ATP4A: variants seen among roughly 807,000 people sequenced by gnomAD.
The protein encoded by ATP4A is ATPase H+/K+ transporting subunit alpha.
Under a neutral mutation model 112.1 loss-of-function variants are expected in ATP4A, and 73 were observed. The observed-to-expected ratio is 0.65, with a 90% CI of 0.54 to 0.79. The LOEUF (loss-of-function observed/expected upper bound fraction) is 0.79, where lower values mean the gene tolerates loss of function less well. ATP4A is among the 30% of genes least tolerant of loss of function. ATP4A has a pLI of 0.00. For missense variants in ATP4A, 1,081 were observed against 1,425.9 expected, an observed-to-expected ratio of 0.76 and a Z score of 3.90; for synonymous variants, 588 against 588.9, an observed-to-expected ratio of 1.00 and a Z score of 0.02.
rs760879648 is a variant in ATP4A, at chr19:35,550,849, G to A, written c.3064C>T (p.Arg1022Cys). The stretch of plus-strand genomic sequence containing the variant: ...CCACACTCACTCCCTGGGCAACAGC[G>A]AACTCCAAGCTTCCGGATCTCATCA... Reference protein sequence around the residue: ...VYDEIRKLGVRCCPGSWWDQE... With the variant: ...VYDEIRKLGVCCCPGSWWDQE... The change falls in exon 21 of 22, where the codon CGC becomes TGC. Residue 1022 changes from arginine to cysteine, a missense_variant. Arg to Cys is a radical substitution (Grantham distance 180). This residue lies in a region of ATP4A where 219 missense variants were observed against 320.9 expected (regional missense o/e 0.68). Transcript: ENST00000262623. The surrounding 1 kb of genome is among the most constrained non-coding windows in gnomAD (Gnocchi z 4.1). 3.7e-6 allele frequency: 6 copies of A among 1,614,100 alleles called. No homozygotes were observed. Among genetic ancestry groups the A allele is most frequent in the South Asian group, 1.1e-5 (1 of 91,058 alleles).
intron 17 of ATP4A, 86 bp from the exon 18 acceptor site, chr19:35,553,268 C>T: frequency 6.9e-7 from 1 of 1,452,764 alleles, no homozygotes; most frequent in South Asian, 1.3e-5. Context: ...GAGACAGGGA[C>T]ACAGATACAC....
rs371850323 is a variant in ATP4A, at chr19:35,558,471, T to C, written c.1391A>G (p.Glu464Gly). Residue 464 changes from glutamate (E) to glycine (G), a missense_variant, in exon 10 of 22, where the codon GAG (glutamate) becomes GGG (glycine). Physicochemically the swap from Glu to Gly is moderately conservative, Grantham distance 98. Around this residue, in one of 3 missense-constraint regions of ATP4A, gnomAD observed 850 missense variants for 1,068.2 expected, o/e 0.80. Coordinates refer to ENST00000262623, the MANE Select transcript of ATP4A (RefSeq NM_000704.3). This position sits in a 1 kb window ranked among gnomAD's most constrained non-coding sequence, Gnocchi z 5.1. Reference protein sequence around the residue: ...PKRIVIGDASETALLKFSELT... With the variant: ...PKRIVIGDASGTALLKFSELT... ...CTCCGAGAACTTGAGCAGCGCCGTC[T>C]CCGATGCGTCTCCAATCACGATGCG... The C allele has an allele frequency of 6.3e-7, 1 of 1,599,120 alleles. No homozygotes were observed. Among genetic ancestry groups the C allele is most frequent in the African/African-American group, 1.3e-5 (1 of 74,768 alleles).
At chr19:35,556,885 C>G (rs768796894) in intron 12 of ATP4A, 28 bp downstream of exon 12, 4 of 1,606,136 alleles carry the variant, frequency 2.5e-6, no homozygotes, top group Non-Finnish European at 3.4e-6. Context: ...TGTCCTCACT[C>G]CACTTGTTCC....
At chr19:35,563,099 C>T in intron 3 of ATP4A, 110 bp downstream of exon 3, 1 of 1,139,158 alleles carries the variant, frequency 8.8e-7, no homozygotes. Flanking sequence ...TCCATATCTT[C>T]CTCTCTTCAT....
At chr19:35,552,966 G>A in intron 18 of ATP4A, 71 bp downstream of exon 18, 1 of 1,506,806 alleles carries the variant, frequency 6.6e-7, no homozygotes, top group Non-Finnish European at 8.9e-7. Context: ...GGAACAAGTG[G>A]GCCGCACACA....
In ATP4A at chr19:35,563,216, G is replaced by A; in HGVS notation, c.209C>T (p.Ala70Val). 1 of 1,613,658 alleles carries A rather than the reference G, an allele frequency of 6.2e-7. No individual in the cohort carries two copies. ...TCCCAGTCTCCAGCTCACCTTGGTG[G>A]CACTGGTCTGGTATTTCTGTTCCAG... ...AELEQKYQTS[A>V]TKGLSASLAA... Residue 70 changes from alanine to valine, a missense_variant, in exon 3 of 22, where the codon GCC becomes GTC. Coordinates refer to ENST00000262623, the MANE Select transcript of ATP4A (RefSeq NM_000704.3).
Position 35,558,512 on chromosome 19 carries a change from G to A in ATP4A, c.1366-16C>T, listed in dbSNP as rs1284214599. The A allele has an allele frequency of 1.3e-6, 2 of 1,590,862 alleles. No individual in the cohort carries two copies. The highest frequency in any genetic ancestry group is 1.7e-6 in the Non-Finnish European group (2 of 1,169,598). On this transcript the variant is annotated splice_polypyrimidine_tract_variant and intron_variant, in intron 9 of 21. Coordinates refer to ENST00000262623, the MANE Select transcript of ATP4A (RefSeq NM_000704.3). The surrounding 1 kb of genome is among the most constrained non-coding windows in gnomAD (Gnocchi z 5.1). ...TCACGATGCGCTGGGAGCGGGGACCGGTGTCAGGGGCGAAGCCGGCTACAC... is the reference window on the plus strand; with the variant it reads ...TCACGATGCGCTGGGAGCGGGGACCAGTGTCAGGGGCGAAGCCGGCTACAC...
Position 35,551,064 on chromosome 19 carries a change from C to G in ATP4A, c.2933G>C (p.Cys978Ser). ...IAIVFQVCIGCFLCYCPGMPN... is the reference protein window; with the variant it reads ...IAIVFQVCIGSFLCYCPGMPN... ...CATGCCGGGGCAGTAGCACAGGAAGCAGCCGATGCAGACCTGGAACACGAT... is the reference window on the plus strand; with the variant it reads ...CATGCCGGGGCAGTAGCACAGGAAGGAGCCGATGCAGACCTGGAACACGAT... Residue 978 changes from cysteine (C) to serine (S), a missense_variant, in exon 20 of 22, where the codon TGC becomes TCC. Cys to Ser is a moderately radical substitution (Grantham distance 112). Transcript: ENST00000262623. The surrounding 1 kb of genome is among the most constrained non-coding windows in gnomAD (Gnocchi z 5.2). 1.2e-6 allele frequency: 2 copies of G among 1,613,742 alleles called. No homozygotes were observed. Among genetic ancestry groups the G allele is most frequent in the Non-Finnish European group, 1.7e-6 (2 of 1,179,798 alleles).
At position 35,553,112 on chromosome 19, in the gene ATP4A, C is replaced by T. The variant is rs781689851; in HGVS notation, c.2676G>A (p.Leu892=). Residue 892 remains leucine, a synonymous_variant, in exon 18 of 22, where the codon CTG becomes CTA. Coordinates refer to ENST00000262623, the MANE Select transcript of ATP4A (RefSeq NM_000704.3). The part of the protein sequence containing the change: ...TAMAQEGWFP[L]LCVGLRAQWE... ...ACTGCGCCCGCAGCCCCACGCACAG[C>T]AGTGGGAACCAGCCCTCCTGGGCCA... The T allele has an allele frequency of 6.8e-6, 11 of 1,611,190 alleles. No individual in the cohort carries two copies. In the African/African-American group the frequency reaches 1.5e-4, roughly 22 times the overall value.
chr19:35,557,862 GA>G lies in ATP4A; in HGVS notation c.1501-16del. Reference sequence around the variant, plus strand: ...TGGATGGACAGCTGTGGGCGGGGGGGAGAGGCGAGGCTGTGGACGGGGGAAC... The same window carrying G: ...TGGATGGACAGCTGTGGGCGGGGGGGGAGGCGAGGCTGTGGACGGGGGAAC... On this transcript the variant is annotated splice_polypyrimidine_tract_variant and intron_variant, in intron 10 of 21. Transcript: ENST00000262623. This position sits in a 1 kb window ranked among gnomAD's most constrained non-coding sequence, Gnocchi z 4.4. The G allele has an allele frequency of 1.4e-6, 2 of 1,453,376 alleles. No individual in the cohort carries two copies. Among genetic ancestry groups the G allele is most frequent in the Admixed American group, 2.4e-5 (1 of 42,170 alleles). The allele number at this position is 1,453,376 out of a possible 1,614,324, so 90.0% of individuals were successfully genotyped here.
rs971423512 is a variant in ATP4A, at chr19:35,560,288, CT to C, written c.787+74del. 9.4e-6 allele frequency: 15 copies of C among 1,588,282 alleles called. 1 individual carries two copies. The African/African-American group carries it at 1.7e-4, about 18-fold the overall frequency. On this transcript the variant is annotated intron_variant, in intron 6 of 21. Transcript: ENST00000262623. The surrounding 1 kb of genome is among the most constrained non-coding windows in gnomAD (Gnocchi z 5.1). ...AGAGAGACAGGGAGGCTGAAGCCCC[CT>C]GTCCTAGAAGATAGCAGGAGAGAGG...
Position 35,550,845 on chromosome 19 carries a change from C to G in ATP4A, c.3068G>C (p.Cys1023Ser). The G allele has an allele frequency of 6.2e-7, 1 of 1,614,082 alleles. No homozygotes were observed. Among genetic ancestry groups the G allele is most frequent in the African/African-American group, 1.3e-5 (1 of 75,040 alleles). ...GTCTCCACACTCACTCCCTGGGCAA[C>G]AGCGAACTCCAAGCTTCCGGATCTC... ...YDEIRKLGVR[C>S]CPGSWWDQEL... is the part of the protein sequence containing the mutation. The change falls in exon 21 of 22, where the codon TGT becomes TCT. Residue 1023 changes from cysteine (C) to serine (S), a missense_variant. Transcript: ENST00000262623. This position sits in a 1 kb window ranked among gnomAD's most constrained non-coding sequence, Gnocchi z 4.1.
In ATP4A at chr19:35,559,166, C is replaced by A. The variant is rs2071652245; in HGVS notation, c.1082G>T (p.Arg361Leu). ...VTVCLSLTAK[R>L]LASKNCVVKN... ...GACCACGCAGTTCTTACTGGCCAGG[C>A]GCTTGGCTGTCAGGGACAGGCAGAC... The change falls in exon 8 of 22, where the codon CGC becomes CTC. Residue 361 changes from arginine (R) to leucine (L), a missense_variant. Coordinates refer to ENST00000262623, the MANE Select transcript of ATP4A (RefSeq NM_000704.3). The surrounding 1 kb of genome is among the most constrained non-coding windows in gnomAD (Gnocchi z 4.1). 1 of 1,614,094 alleles carries A rather than the reference C, an allele frequency of 6.2e-7. No homozygotes were observed. Among genetic ancestry groups the A allele is most frequent in the Non-Finnish European group, 8.5e-7 (1 of 1,180,024 alleles).
chr19:35,556,359 G>T (rs1249069241), intron 12 of ATP4A, among the ~76,000 whole-genome samples: 1 of 152,232 alleles, frequency 6.6e-6, no homozygotes, highest in Admixed American at 6.5e-5. Flanking sequence ...TAGAGACACG[G>T]GAAGGGCTTG....
At chr19:35,563,176 C>T in intron 3 of ATP4A, 33 bp downstream of exon 3, 1 of 1,612,502 alleles carries the variant, frequency 6.2e-7, no homozygotes. Context: ...CTCTCCTCCT[C>T]CCCTTTCTGT....
rs2071628916 is a variant in ATP4A at position 35,555,871 on chromosome 19, C to T, written c.1870-59G>A. On this transcript the variant is annotated intron_variant, in intron 12 of 21. Coordinates refer to ENST00000262623, the MANE Select transcript of ATP4A (RefSeq NM_000704.3). This position sits in a 1 kb window ranked among gnomAD's most constrained non-coding sequence, Gnocchi z 6.6. ...CAGATCAGCCCAATCTCCCTGTCCT[C>T]CCTGGGAGACATCTGCTGATACACG... 6.5e-7 allele frequency: 1 copy of T among 1,541,996 alleles called. No individual in the cohort carries two copies.
In ATP4A at chr19:35,555,979, T is replaced by C. The variant is rs1328040621; in HGVS notation, c.1870-167A>G. 1.2e-5 allele frequency among the ~76,000 whole-genome samples: 1 copy of C among 80,684 alleles called. No homozygotes were observed. Among genetic ancestry groups the C allele is most frequent in the Non-Finnish European group, 2.6e-5 (1 of 39,144 alleles). The allele number at this position is 80,684 out of a possible 152,430, so 52.9% of individuals were successfully genotyped here. ...CAAAAGAGACAAAAATCCCTGTCCT[T>C]GAGGAGCTCTAGTGAGGGTGACAGA... On this transcript the variant is annotated intron_variant, in intron 12 of 21. Transcript: ENST00000262623. This position sits in a 1 kb window ranked among gnomAD's most constrained non-coding sequence, Gnocchi z 6.6.
Position 35,550,647 on chromosome 19 carries a change from G to A in ATP4A, c.3080-4C>T. ...TAGAGTTCCTGGTCCCACCAGCCTG[G>A]GAGAGAGAGGGAGAAAGGAGACTCA... is the stretch of plus-strand genomic sequence containing the variant. On this transcript the variant is annotated splice_polypyrimidine_tract_variant and splice_region_variant and intron_variant, in intron 21 of 21. Coordinates refer to ENST00000262623, the MANE Select transcript of ATP4A (RefSeq NM_000704.3). The surrounding 1 kb of genome is among the most constrained non-coding windows in gnomAD (Gnocchi z 4.1). The A allele has an allele frequency of 6.2e-7, 1 of 1,613,850 alleles. No individual in the cohort carries two copies. The highest frequency in any genetic ancestry group is 1.1e-5 in the South Asian group (1 of 91,074).
intron 3 of ATP4A, among the ~76,000 whole-genome samples, chr19:35,562,970 C>T (rs1047778856): frequency 1.3e-5 from 2 of 151,546 alleles, no homozygotes; most frequent in African/African-American, 2.4e-5. Flanking sequence ...TCTCCCTTCT[C>T]TCCCTCTCCC....
Sources: allele counts gnomAD v4.1 joint callset (sites outside exome capture counted in the v4.1 genomes callset), GRCh38; gene constraint gnomAD v4.1.1; regional missense constraint gnomAD v4.1.1; non-coding constraint Gnocchi (gnomAD v3.1); transcripts MANE v1.5; gene names NCBI Gene and HGNC (gene_info 2026-07-23, HGNC 2026-07-21).